The following ADAMTS2 variants were observed in gnomAD, a reference collection of about 807,000 sequenced individuals.
ADAMTS2 encodes the protein A disintegrin and metalloproteinase with thrombospondin motifs 2.
ADAMTS2 carries 50 observed loss-of-function variants against 123.0 expected under a neutral mutation model. That is an observed-to-expected ratio of 0.41 (90% CI 0.32 to 0.51). ADAMTS2 has a LOEUF of 0.51. ADAMTS2 is among the 20% of genes least tolerant of loss of function. The probability of loss-of-function intolerance (pLI) is 0.35; values close to 1 mark genes in which losing one functional copy is unlikely to be tolerated. For missense variants in ADAMTS2, 1,494 were observed against 1,705.2 expected (o/e 0.88, Z 2.18); for synonymous variants, 678 against 695.4 (o/e 0.98, Z 0.39).
intron 4 of ADAMTS2, among the ~76,000 whole-genome samples, chr5:179,191,015 T>C (rs1333658250): frequency 6.6e-6 from 1 of 152,202 alleles, no homozygotes; most frequent in African/African-American, 2.4e-5. Context: ...ATGCCACCAC[T>C]TAGGGACTGA....
chr5:179,268,853 T>C (rs942273009), intron 3 of ADAMTS2, among the ~76,000 whole-genome samples: 11 of 152,220 alleles, frequency 7.2e-5, no homozygotes, highest in African/African-American at 2.2e-4. Context: ...TGCTGTGCAC[T>C]GCGTGGCCAG....
At chr5:179,327,223 A>G (rs1757341554) in intron 2 of ADAMTS2, among the ~76,000 whole-genome samples, 1 of 152,208 alleles carries the variant, frequency 6.6e-6, no homozygotes, top group South Asian at 2.1e-4. Context: ...ACCAGTGTGC[A>G]AACTCCGCCC....
intron 5 of ADAMTS2, among the ~76,000 whole-genome samples, chr5:179,177,933 T>A (rs1484459374): frequency 6.6e-6 from 1 of 152,114 alleles, no homozygotes; most frequent in Admixed American, 6.6e-5. Context: ...GGTAAGCAAT[T>A]AACCCTAGTC....
At chr5:179,315,324 G>GTT (rs1756962019) in intron 2 of ADAMTS2, among the ~76,000 whole-genome samples, 1 of 152,272 alleles carries the variant, frequency 6.6e-6, no homozygotes, top group Non-Finnish European at 1.5e-5. Flanking sequence ...TGAGGCCACA[G>GTT]TGCTTTGGGA....
At chr5:179,226,863 C>T (rs748456354) in intron 3 of ADAMTS2, among the ~76,000 whole-genome samples, 102 of 152,304 alleles carry the variant, frequency 6.7e-4, no homozygotes, top group Admixed American at 2.0e-3. Flanking sequence ...AAAGAAGTAA[C>T]GTCCCCATCA....
At chr5:179,216,669 C>T (rs927100764) in intron 3 of ADAMTS2, among the ~76,000 whole-genome samples, 1 of 152,264 alleles carries the variant, frequency 6.6e-6, no homozygotes, top group Non-Finnish European at 1.5e-5. Flanking sequence ...ATCTGCTCAC[C>T]TCCGGGAGCC....
intron 2 of ADAMTS2, among the ~76,000 whole-genome samples, chr5:179,291,711 C>T (rs1019634981): frequency 1.3e-5 from 2 of 151,940 alleles, no homozygotes; most frequent in South Asian, 2.1e-4. Flanking sequence ...TTCTTCCCTT[C>T]GCTATAAAGG....
At chr5:179,269,475 C>T (rs1052930845) in intron 3 of ADAMTS2, among the ~76,000 whole-genome samples, 1 of 152,138 alleles carries the variant, frequency 6.6e-6, no homozygotes, top group Non-Finnish European at 1.5e-5. Flanking sequence ...AGAGCTTGTG[C>T]AGGGCAACTC....
intron 5 of ADAMTS2, among the ~76,000 whole-genome samples, chr5:179,161,727 C>A (rs1325815985): frequency 6.6e-6 from 1 of 152,142 alleles, no homozygotes; most frequent in African/African-American, 2.4e-5. Flanking sequence ...TTTGAGGTGA[C>A]AGATATGCTA....
intron 3 of ADAMTS2, among the ~76,000 whole-genome samples, chr5:179,227,215 G>C (rs69638): frequency 0.65 from 98,643 of 152,070 alleles, 32,188 homozygotes; most frequent in Admixed American, 0.68. Flanking sequence ...AAGGAGCTGA[G>C]TTCCAGGACA....
rs1252639458 is a variant in ADAMTS2 at position 179,139,287 on chromosome 5, G to A, written c.1775+603C>T. Among the ~76,000 whole-genome samples the A allele has an allele frequency of 5.3e-5, 8 of 152,086 alleles. 1 individual carries two copies. The highest frequency in any genetic ancestry group is 2.0e-4 in the Admixed American group (3 of 15,272). ...GGGTGTGGATGAGAAAGTGGCTGCGGGCTGAGGAGGGAGCACGGGCCCGGG... is the reference window on the plus strand; with the variant it reads ...GGGTGTGGATGAGAAAGTGGCTGCGAGCTGAGGAGGGAGCACGGGCCCGGG... On this transcript the variant is annotated intron_variant, in intron 11 of 21. Transcript: ENST00000251582.
chr5:179,143,706 A>C (rs1292286524), intron 10 of ADAMTS2, among the ~76,000 whole-genome samples: 1 of 152,022 alleles, frequency 6.6e-6, no homozygotes, highest in Non-Finnish European at 1.5e-5. Flanking sequence ...GTGAGGACAA[A>C]TAGCCATTAA....
chr5:179,143,429 GAAA>G (rs546474818), intron 10 of ADAMTS2, among the ~76,000 whole-genome samples: 3 of 77,220 alleles, frequency 3.9e-5, no homozygotes, highest in Non-Finnish European at 5.4e-5. Context: ...ACTCTGTCTC[GAAA>G]AAAAAAAAAA....
At chr5:179,302,330 G>A (rs1275409940) in intron 2 of ADAMTS2, among the ~76,000 whole-genome samples, 1 of 150,256 alleles carries the variant, frequency 6.7e-6, no homozygotes, top group Non-Finnish European at 1.5e-5. Context: ...GGGCGTGGTG[G>A]GGGGCGCCTG....
At chr5:179,159,405 G>T (rs1763554316) in intron 5 of ADAMTS2, among the ~76,000 whole-genome samples, 1 of 152,212 alleles carries the variant, frequency 6.6e-6, no homozygotes, top group South Asian at 2.1e-4. Flanking sequence ...CAACACAATG[G>T]AGGAAAAGAA....
rs34757332 is a variant in ADAMTS2 at position 179,189,674 on chromosome 5, G to A, written c.892-8519C>T. 6.6e-6 allele frequency among the ~76,000 whole-genome samples: 1 copy of A among 151,588 alleles called. No homozygotes were observed. Among genetic ancestry groups the A allele is most frequent in the East Asian group, 1.9e-4 (1 of 5,168 alleles). On this transcript the variant is annotated intron_variant, in intron 4 of 21. Transcript: ENST00000251582. This position sits in a 1 kb window ranked among gnomAD's most constrained non-coding sequence, Gnocchi z 4.2. Reference sequence around the variant, plus strand: ...GCCCGGCCAGGAGCAATTTTTTGTGGGCTGGGGACGGATTTTACAAAGTAC... The same window carrying A: ...GCCCGGCCAGGAGCAATTTTTTGTGAGCTGGGGACGGATTTTACAAAGTAC...
At chr5:179,299,514 T>G (rs1416643752) in intron 2 of ADAMTS2, among the ~76,000 whole-genome samples, 60 of 92,810 alleles carry the variant, frequency 6.5e-4, no homozygotes, top group East Asian at 6.2e-3. Flanking sequence ...GGGCAACAGA[T>G]CAAGACTCCA....
intron 3 of ADAMTS2, among the ~76,000 whole-genome samples, chr5:179,222,719 T>C (rs906996514): frequency 4.6e-5 from 7 of 152,244 alleles, no homozygotes; most frequent in Non-Finnish European, 1.0e-4. Flanking sequence ...CTCTGGCCTG[T>C]GCTCCCAACC....
At chr5:179,224,083 G>C (rs1765212286) in intron 3 of ADAMTS2, among the ~76,000 whole-genome samples, 1 of 152,220 alleles carries the variant, frequency 6.6e-6, no homozygotes, top group Non-Finnish European at 1.5e-5. Flanking sequence ...CGGATTGTCT[G>C]TATCTCCTTG....
Sources: gnomAD v4.1 joint callset for allele counts (sites outside exome capture counted in the v4.1 genomes callset) on GRCh38, gnomAD v4.1.1 for gene constraint, Gnocchi (gnomAD v3.1) non-coding constraint, MANE v1.5 for transcripts, NCBI Gene and HGNC (gene_info 2026-07-23, HGNC 2026-07-21) for gene names.